OR10H5: variants seen among roughly 807,000 people sequenced by gnomAD.
OR10H5 encodes olfactory receptor family 10 subfamily H member 5.
OR10H5 carries 7 observed loss-of-function variants against 12.2 expected under a neutral mutation model. The observed-to-expected ratio is 0.57, with a 90% CI of 0.33 to 1.07. The LOEUF is 1.07. Among genes scored for constraint, OR10H5 ranks in the 50% least tolerant of loss-of-function variants. The pLI is 0.04. For missense variants in OR10H5, 346 were observed against 411.6 expected (o/e 0.84, Z 1.38); for synonymous variants, 159 against 175.1 (o/e 0.91, Z 0.73).
chr19:15,795,687 C>G lies in OR10H5; in HGVS notation c.*691C>G, dbSNP rs148079552. ...ATTGGGGTTTTGATTTGCATTTCCC[C>G]AATGACTAATGACAGGCTTTAGGTG... On this transcript the variant is annotated 3_prime_UTR_variant, in exon 2 of 2. Transcript: ENST00000642092. The G allele has an allele frequency of 6.6e-6, 1 of 152,280 alleles. No homozygotes were observed. Among genetic ancestry groups the G allele is most frequent in the African/African-American group, 2.4e-5 (1 of 41,424 alleles). 9.4% of individuals were successfully genotyped at this position (152,280 alleles called of 1,614,324 possible).
chr19:15,794,770 C>A lies in OR10H5; in HGVS notation c.722C>A (p.Thr241Asn). The A allele has an allele frequency of 6.2e-7, 1 of 1,613,480 alleles. No individual in the cohort carries two copies. Among genetic ancestry groups the A allele is most frequent in the Non-Finnish European group, 8.5e-7 (1 of 1,179,570 alleles). The change falls in exon 2 of 2, where the codon ACC becomes AAC. Residue 241 changes from threonine to asparagine, a missense_variant. Transcript: ENST00000642092. ...SAEGRNKAFSTCASHLTVVVV... is the reference protein window; with the variant it reads ...SAEGRNKAFSNCASHLTVVVV... ...GAAGGTCGGAACAAGGCCTTCTCCA[C>A]CTGTGCCTCTCACCTCACTGTGGTG...
At chr19:15,789,767 CTTTT>C (rs1046461378) in intron 1 of OR10H5, among the ~76,000 whole-genome samples, 2 of 137,676 alleles carry the variant, frequency 1.5e-5, no homozygotes, top group Non-Finnish European at 3.0e-5. Flanking sequence ...TTTCTCTTTT[CTTTT>C]TTTTCTTTTC....
Position 15,795,047 on chromosome 19 carries a change from TCCTC to T in OR10H5, c.*53_*56del, listed in dbSNP as rs780992878. 2.0e-6 allele frequency: 3 copies of T among 1,497,432 alleles called. No homozygotes were observed. The highest frequency in any genetic ancestry group is 2.8e-5 in the African/African-American group (2 of 71,838). The allele number at this position is 1,497,432 out of a possible 1,614,324, so 92.8% of individuals were successfully genotyped here. A position where few individuals can be genotyped will look rare whatever the true frequency, so the allele number is the denominator to read the frequency against. On this transcript the variant is annotated 3_prime_UTR_variant, in exon 2 of 2. Transcript: ENST00000642092. ...GTAGCGAATGGGAACACTTTAGTCTTCCTCCTTTATTTCTTTTCCTTTCCTCCCT... is the reference window on the plus strand; with the variant it reads ...GTAGCGAATGGGAACACTTTAGTCTTCTTTATTTCTTTTCCTTTCCTCCCT...
rs763575559 is a variant in OR10H5 at position 15,794,669 on chromosome 19, C to T, written c.621C>T (p.Ala207=). Reference sequence around the variant, plus strand: ...GCGTGGGCTTGGTGTGTATCACGGCCCTGCTGGGCTGTTTTCTCCTCATCC... The same window carrying T: ...GCGTGGGCTTGGTGTGTATCACGGCTCTGCTGGGCTGTTTTCTCCTCATCC... ...AKGVGLVCIT[A]LLGCFLLILL... The change falls in exon 2 of 2, where the codon GCC becomes GCT. Residue 207 remains alanine, a synonymous_variant. Coordinates refer to ENST00000642092, the MANE Select transcript of OR10H5 (RefSeq NM_001004466.2). The T allele has an allele frequency of 2.8e-5, 45 of 1,613,996 alleles. No homozygotes were observed. Among genetic ancestry groups the T allele is most frequent in the African/African-American group, 9.3e-5 (7 of 74,916 alleles).
At position 15,798,996 on chromosome 19, in the gene OR10H5, A is replaced by C. The variant is rs1280805838; in HGVS notation, c.*4000A>C. 1.3e-5 allele frequency: 2 copies of C among 152,084 alleles called. No individual in the cohort carries two copies. Among genetic ancestry groups the C allele is most frequent in the Non-Finnish European group, 2.9e-5 (2 of 68,032 alleles). 9.4% of individuals were successfully genotyped at this position (152,084 alleles called of 1,614,324 possible). ...GGTCTCGGACTCCTGATTTCAGGTG[A>C]TACTACCACCTCGGCCTCCCAAGGT... On this transcript the variant is annotated 3_prime_UTR_variant, in exon 2 of 2. Coordinates refer to ENST00000642092, the MANE Select transcript of OR10H5 (RefSeq NM_001004466.2).
chr19:15,790,254 C>T (rs2088803674), intron 1 of OR10H5, among the ~76,000 whole-genome samples: 1 of 152,146 alleles, frequency 6.6e-6, no homozygotes, highest in Non-Finnish European at 1.5e-5. Context: ...GTTGAAGTCC[C>T]TGACTGTCAC....
In OR10H5 at chr19:15,794,741, T is replaced by C. The variant is rs985955935; in HGVS notation, c.693T>C (p.Ser231=). The change falls in exon 2 of 2, where the codon TCT becomes TCC. Residue 231 remains serine, a synonymous_variant. Transcript: ENST00000642092. ...FIVAAILKIP[S]AEGRNKAFST... is the part of the protein sequence containing the mutation. The stretch of plus-strand genomic sequence containing the variant: ...TGGCCGCCATCTTGAAGATCCCTTC[T>C]GCTGAAGGTCGGAACAAGGCCTTCT... 1 of 1,613,622 alleles carries C rather than the reference T, an allele frequency of 6.2e-7. No individual in the cohort carries two copies. The highest frequency in any genetic ancestry group is 1.3e-5 in the African/African-American group (1 of 74,920).
chr19:15,791,441 T>TACACACACAC (rs35542150), intron 1 of OR10H5, among the ~76,000 whole-genome samples: 57 of 147,554 alleles, frequency 3.9e-4, no homozygotes, highest in African/African-American at 1.3e-3. Flanking sequence ...ATAGATACCA[T>TACACACACAC]ACACACACAC....
In OR10H5 at chr19:15,794,072, C is replaced by G; in HGVS notation, c.24C>G (p.Ser8=). 6.2e-7 allele frequency: 1 copy of G among 1,613,778 alleles called. No homozygotes were observed. Among genetic ancestry groups the G allele is most frequent in the Non-Finnish European group, 8.5e-7 (1 of 1,179,876 alleles). MQGLNHT[S]VSEFILVGFS... ...CCATGCAGGGGCTAAACCACACCTC[C>G]GTGTCTGAATTCATCCTCGTTGGCT... is the stretch of plus-strand genomic sequence containing the variant. The change falls in exon 2 of 2, where the codon TCC becomes TCG. Residue 8 remains serine (S), a synonymous_variant. Transcript: ENST00000642092.
chr19:15,798,982 C>A lies in OR10H5; in HGVS notation c.*3986C>A, dbSNP rs1209808908. 2 of 152,148 alleles carry A rather than the reference C, an allele frequency of 1.3e-5. No homozygotes were observed. Among genetic ancestry groups the A allele is most frequent in the Non-Finnish European group, 1.5e-5 (1 of 68,040 alleles). 9.4% of individuals were successfully genotyped at this position (152,148 alleles called of 1,614,324 possible). On this transcript the variant is annotated 3_prime_UTR_variant, in exon 2 of 2. Coordinates refer to ENST00000642092, the MANE Select transcript of OR10H5 (RefSeq NM_001004466.2). ...ATGTTAGCCAGACTGGTCTCGGACT[C>A]CTGATTTCAGGTGATACTACCACCT...
rs927617344 is a variant in OR10H5, at chr19:15,795,070, C to T, written c.*74C>T. ...CTTCCTCCTTTATTTCTTTTCCTTT[C>T]CTCCCTCCCTCCTTTCCTCCCTCCC... is the stretch of plus-strand genomic sequence containing the variant. On this transcript the variant is annotated 3_prime_UTR_variant, in exon 2 of 2. Transcript: ENST00000642092. The T allele has an allele frequency of 1.8e-5, 22 of 1,253,902 alleles. No homozygotes were observed. In the African/African-American group the frequency reaches 2.1e-4, roughly 12 times the overall value. The allele number at this position is 1,253,902 out of a possible 1,614,324, so 77.7% of individuals were successfully genotyped here.
Position 15,797,296 on chromosome 19 carries a change from C to G in OR10H5, c.*2300C>G, listed in dbSNP as rs951472714. 1.3e-5 allele frequency: 2 copies of G among 152,138 alleles called. No individual in the cohort carries two copies. The highest frequency in any genetic ancestry group is 2.9e-5 in the Non-Finnish European group (2 of 68,026). 9.4% of individuals were successfully genotyped at this position (152,138 alleles called of 1,614,324 possible). On this transcript the variant is annotated 3_prime_UTR_variant, in exon 2 of 2. Transcript: ENST00000642092. ...AGAATGTTATACCCTGTTTATACCC[C>G]ACGTGTCCTGGGGTGTAGCTAGTGC...
intron 1 of OR10H5, among the ~76,000 whole-genome samples, chr19:15,793,207 C>T (rs1044683015): frequency 4.6e-5 from 7 of 151,948 alleles, no homozygotes; most frequent in African/African-American, 1.5e-4. Flanking sequence ...GCAGCCTTGA[C>T]CTCCCAGGCT....
At chr19:15,791,901 G>A (rs751758341) in intron 1 of OR10H5, among the ~76,000 whole-genome samples, 3 of 151,874 alleles carry the variant, frequency 2.0e-5, no homozygotes, top group Non-Finnish European at 4.4e-5. Context: ...CACCATGTTA[G>A]CCAGGATGGT....
At position 15,799,753 on chromosome 19, in the gene OR10H5, T is replaced by C. The variant is rs979788909; in HGVS notation, c.*4757T>C. On this transcript the variant is annotated 3_prime_UTR_variant, in exon 2 of 2. Coordinates refer to ENST00000642092, the MANE Select transcript of OR10H5 (RefSeq NM_001004466.2). ...AAATAAGATCTCACTCTGTCACCCA[T>C]GCTGGAGTGCAGTGGCATGATCTCA... 1 of 151,062 alleles carries C rather than the reference T, an allele frequency of 6.6e-6. No individual in the cohort carries two copies. The highest frequency in any genetic ancestry group is 2.4e-5 in the African/African-American group (1 of 41,070). The allele number at this position is 151,062 out of a possible 1,614,324, so 9.4% of individuals were successfully genotyped here.
rs774774640 is a variant in OR10H5 at position 15,794,772 on chromosome 19, T to C, written c.724T>C (p.Cys242Arg). The change falls in exon 2 of 2, where the codon TGT becomes CGT. Residue 242 changes from cysteine to arginine, a missense_variant. Transcript: ENST00000642092. ...AEGRNKAFSTCASHLTVVVVH... is the reference protein window; with the variant it reads ...AEGRNKAFSTRASHLTVVVVH... ...AGGTCGGAACAAGGCCTTCTCCACC[T>C]GTGCCTCTCACCTCACTGTGGTGGT... The C allele has an allele frequency of 6.8e-6, 11 of 1,613,518 alleles. No individual in the cohort carries two copies. In the South Asian group the frequency reaches 1.2e-4, roughly 18 times the overall value.
chr19:15,792,684 T>C lies in OR10H5; in HGVS notation c.-11-1354T>C, dbSNP rs2088814657. 2.0e-5 allele frequency among the ~76,000 whole-genome samples: 3 copies of C among 152,160 alleles called. 1 individual carries two copies. The highest frequency in any genetic ancestry group is 7.2e-5 in the African/African-American group (3 of 41,422). On this transcript the variant is annotated intron_variant, in intron 1 of 1. Transcript: ENST00000642092. ...TTTCACCATGTTGGCCAGGCTGGTT[T>C]TGAACTCCTGACCTCAAGTGATCCA...
rs544974106 is a variant in OR10H5, at chr19:15,790,583, G to A, written c.-12+2867G>A. 2.4e-4 allele frequency among the ~76,000 whole-genome samples: 36 copies of A among 152,254 alleles called. No individual in the cohort carries two copies. In the South Asian group the frequency reaches 6.8e-3, roughly 29 times the overall value. ...GATTGGTAAGCACCGTGGGCTGAGAGAGAGGGCGTGAGGCCAGAGCTGGGG... is the reference window on the plus strand; with the variant it reads ...GATTGGTAAGCACCGTGGGCTGAGAAAGAGGGCGTGAGGCCAGAGCTGGGG... On this transcript the variant is annotated intron_variant, in intron 1 of 1. Transcript: ENST00000642092.
chr19:15,794,408 C>T lies in OR10H5; in HGVS notation c.360C>T (p.Tyr120=), dbSNP rs772836837. Residue 120 remains tyrosine (Y), a synonymous_variant, in exon 2 of 2, where the codon TAC becomes TAT. Coordinates refer to ENST00000642092, the MANE Select transcript of OR10H5 (RefSeq NM_001004466.2). ...CCTTCCTGCTCACTGTCATGGGCTA[C>T]GACCGCTACGTGGCCATCTGCCACC... ...THSFLLTVMG[Y]DRYVAICHPL... is the part of the protein sequence containing the mutation. The T allele has an allele frequency of 2.7e-5, 43 of 1,614,098 alleles. No homozygotes were observed. Among genetic ancestry groups the T allele is most frequent in the Admixed American group, 3.3e-5 (2 of 59,998 alleles).
Sources: allele counts gnomAD v4.1 joint callset (sites outside exome capture counted in the v4.1 genomes callset), GRCh38; gene constraint gnomAD v4.1.1; transcripts MANE v1.5; gene names NCBI Gene and HGNC (gene_info 2026-07-23, HGNC 2026-07-21).